AKAP6: variants seen among roughly 807,000 people sequenced by gnomAD.
The protein encoded by AKAP6 is A-kinase anchor protein 6.
In AKAP6, 58 loss-of-function variants were observed where a neutral mutation model predicts 188.5. The ratio of observed to expected loss-of-function variants is 0.31; its 90% CI spans 0.25 to 0.38. AKAP6 has a LOEUF of 0.38. Ranked by LOEUF, AKAP6 falls within the 10% of genes least tolerant of loss-of-function variation. The pLI is 1.00. For missense variants in AKAP6, 2,710 were observed against 2,740.0 expected, an observed-to-expected ratio of 0.99 and a Z score of 0.24; for synonymous variants, 989 against 998.6, an observed-to-expected ratio of 0.99 and a Z score of 0.18.
intron 11 of AKAP6, among the ~76,000 whole-genome samples, chr14:32,764,344 A>G (rs1477325670): frequency 2.0e-5 from 3 of 152,202 alleles, no homozygotes; most frequent in Non-Finnish European, 4.4e-5. Flanking sequence ...TGTATAGATT[A>G]CTAACTGTTA....
intron 10 of AKAP6, 23 bp from the exon 11 acceptor site, chr14:32,735,635 T>C: frequency 6.7e-7 from 1 of 1,499,572 alleles, no homozygotes. Context: ...TTTTATTTTT[T>C]GTTTTTTAAT....
chr14:32,351,574 A>C, intron 1 of AKAP6, among the ~76,000 whole-genome samples: 1 of 125,396 alleles, frequency 8.0e-6, no homozygotes, highest in South Asian at 2.4e-4. Context: ...AAAAAAAAAA[A>C]AACAAAAACA....
intron 2 of AKAP6, among the ~76,000 whole-genome samples, chr14:32,498,380 T>C (rs115982475): frequency 0.014 from 2,084 of 152,238 alleles, 53 homozygotes; most frequent in African/African-American, 0.048. Flanking sequence ...CTAGCTTCTA[T>C]AGATACCTTA....
chr14:32,742,748 C>CT (rs760430606), intron 11 of AKAP6, among the ~76,000 whole-genome samples: 5 of 151,802 alleles, frequency 3.3e-5, no homozygotes, highest in Admixed American at 2.0e-4. Context: ...ATATTATTTA[C>CT]TTTTTTTGGA....
At chr14:32,525,558 A>C (rs1179091423) in intron 2 of AKAP6, among the ~76,000 whole-genome samples, 1 of 152,116 alleles carries the variant, frequency 6.6e-6, no homozygotes, top group East Asian at 1.9e-4. Flanking sequence ...CACGCTTCCA[A>C]ATCTGCTCGC....
In AKAP6 at chr14:32,535,796, GA is replaced by G; in HGVS notation, c.568del (p.Thr190GlnfsTer9). ...TDILQAFSEE[T>X]KEGRLDSLTE... is the part of the protein sequence containing the mutation. ...ACATTCTGCAAGCTTTCTCTGAAGA[GA>G]CAAAAGAGGTGAGTGTTTTCCTTGA... On this transcript the variant is annotated frameshift_variant, in exon 3 of 14. Coordinates refer to ENST00000280979, the MANE Select transcript of AKAP6 (RefSeq NM_004274.5). LOFTEE classifies it high-confidence loss of function. The G allele has an allele frequency of 6.2e-7, 1 of 1,609,916 alleles. No homozygotes were observed. Among genetic ancestry groups the G allele is most frequent in the Non-Finnish European group, 8.5e-7 (1 of 1,177,046 alleles).
intron 2 of AKAP6, among the ~76,000 whole-genome samples, chr14:32,465,599 T>C (rs771923891): frequency 2.6e-5 from 4 of 152,010 alleles, no homozygotes; most frequent in Non-Finnish European, 5.9e-5. Flanking sequence ...CAAGATGGAT[T>C]AAGATATAAA....
intron 12 of AKAP6, among the ~76,000 whole-genome samples, chr14:32,792,227 A>T (rs1046478559): frequency 6.6e-6 from 1 of 152,178 alleles, no homozygotes; most frequent in Admixed American, 6.5e-5. Flanking sequence ...GGCCATTTTC[A>T]TGATATTGAT....
Position 32,520,851 on chromosome 14 carries a change from A to G in AKAP6, c.325-14703A>G, listed in dbSNP as rs148656775. 9.5e-3 allele frequency among the ~76,000 whole-genome samples: 1,440 copies of G among 152,348 alleles called. 14 individuals carry two copies. Among genetic ancestry groups the G allele is most frequent in the African/African-American group, 0.02 (852 of 41,582 alleles). ...CCTCCCTAACTCATTTTATGAGACT[A>G]TCATCATCCTGATACCAAAGCCTGG... is the stretch of plus-strand genomic sequence containing the variant. On this transcript the variant is annotated intron_variant, in intron 2 of 13. Coordinates refer to ENST00000280979, the MANE Select transcript of AKAP6 (RefSeq NM_004274.5).
intron 2 of AKAP6, among the ~76,000 whole-genome samples, chr14:32,472,063 C>T (rs150253838): frequency 2.0e-5 from 3 of 152,260 alleles, no homozygotes; most frequent in African/African-American, 7.2e-5. Flanking sequence ...GCTCTGAGAT[C>T]TACATGCTGG....
At chr14:32,413,174 A>AT (rs1889543036) in intron 1 of AKAP6, among the ~76,000 whole-genome samples, 3 of 131,168 alleles carry the variant, frequency 2.3e-5, no homozygotes, top group African/African-American at 8.8e-5. Context: ...TATTTATTGA[A>AT]ATTTTTTTTT....
intron 10 of AKAP6, chr14:32,733,917 T>G (rs562200569): frequency 2.0e-5 from 3 of 152,178 alleles, no homozygotes; most frequent in African/African-American, 4.8e-5. Flanking sequence ...ACATTGCATT[T>G]TAATATATCC....
chr14:32,407,495 A>G (rs1220125515), intron 1 of AKAP6, among the ~76,000 whole-genome samples: 2 of 152,346 alleles, frequency 1.3e-5, no homozygotes, highest in Middle Eastern at 3.4e-3. Flanking sequence ...TACCTGGCCC[A>G]GTCTGAAGAG....
chr14:32,458,160 T>G (rs904149043), intron 2 of AKAP6, among the ~76,000 whole-genome samples: 2 of 152,200 alleles, frequency 1.3e-5, no homozygotes, highest in Non-Finnish European at 2.9e-5. Flanking sequence ...GCTTTCATTT[T>G]TAAGAAGGGT....
At chr14:32,732,060 T>C (rs1019392427) in intron 9 of AKAP6, among the ~76,000 whole-genome samples, 1 of 152,070 alleles carries the variant, frequency 6.6e-6, no homozygotes, top group African/African-American at 2.4e-5. Flanking sequence ...ATAATTTTTT[T>C]TCTTTCACTT....
intron 2 of AKAP6, among the ~76,000 whole-genome samples, chr14:32,515,171 G>A (rs578054330): frequency 4.6e-5 from 7 of 152,202 alleles, no homozygotes; most frequent in Non-Finnish European, 8.8e-5. Context: ...GTCTTGCATG[G>A]CGGCAGGCAA....
At chr14:32,444,162 G>A (rs1275999703) in intron 2 of AKAP6, among the ~76,000 whole-genome samples, 1 of 152,164 alleles carries the variant, frequency 6.6e-6, no homozygotes, top group Non-Finnish European at 1.5e-5. Context: ...GTGTCTTAGG[G>A]TGATTTTGCA....
At chr14:32,826,386 C>T (rs527300618) in intron 13 of AKAP6, among the ~76,000 whole-genome samples, 19 of 152,312 alleles carry the variant, frequency 1.2e-4, no homozygotes, top group African/African-American at 4.6e-4. Flanking sequence ...TGCAGTAAAA[C>T]TGACCATTAA....
intron 7 of AKAP6, among the ~76,000 whole-genome samples, chr14:32,638,009 T>A (rs1887584964): frequency 6.6e-6 from 1 of 152,042 alleles, no homozygotes; most frequent in Non-Finnish European, 1.5e-5. Context: ...ACAGAGACAC[T>A]CAGTATGAGT....
Sources: gnomAD v4.1 joint callset for allele counts (sites outside exome capture counted in the v4.1 genomes callset) on GRCh38, gnomAD v4.1.1 for gene constraint, MANE v1.5 for transcripts, NCBI Gene and HGNC (gene_info 2026-07-23, HGNC 2026-07-21) for gene names.